The following SLC25A26 variants were observed in gnomAD, a reference collection of about 807,000 sequenced individuals.
SLC25A26 encodes mitochondrial S-adenosylmethionine carrier protein.
SLC25A26 carries 36 observed loss-of-function variants against 37.8 expected under a neutral mutation model. The ratio of observed to expected loss-of-function variants is 0.95; its 90% CI spans 0.73 to 1.26. The LOEUF (loss-of-function observed/expected upper bound fraction) is 1.26. Ranked by LOEUF, SLC25A26 falls within the 50% of genes most tolerant of loss-of-function variation. The probability of loss-of-function intolerance (pLI) is 0.00; values close to 1 mark genes in which losing one functional copy is unlikely to be tolerated. For synonymous variants in SLC25A26, 129 were observed against 122.5 expected, an observed-to-expected ratio of 1.05 and a Z score of -0.35; for missense variants, 390 against 331.1, an observed-to-expected ratio of 1.18 and a Z score of -1.38.
chr3:66,235,779 T>C (rs1222298919), intron 1 of SLC25A26, among the ~76,000 whole-genome samples: 1 of 152,238 alleles, frequency 6.6e-6, no homozygotes, highest in Non-Finnish European at 1.5e-5. Context: ...TACATGCTTA[T>C]ATATGTTTAA....
intron 1 of SLC25A26, among the ~76,000 whole-genome samples, chr3:66,210,805 C>T (rs990364558): frequency 1.7e-5 from 2 of 119,132 alleles, no homozygotes; most frequent in Admixed American, 9.1e-5. Context: ...CAAGCTACTG[C>T]GCCCGGCCTC....
intron 5 of SLC25A26, among the ~76,000 whole-genome samples, chr3:66,319,962 G>C (rs1478836956): frequency 6.6e-6 from 1 of 151,820 alleles, no homozygotes; most frequent in African/African-American, 2.4e-5. Flanking sequence ...GGTCAGGCTG[G>C]TCTCAAACTC....
chr3:66,372,996 C>T (rs1700434328), intron 9 of SLC25A26, among the ~76,000 whole-genome samples: 1 of 152,200 alleles, frequency 6.6e-6, no homozygotes, highest in Non-Finnish European at 1.5e-5. Flanking sequence ...GTGTGGTCCA[C>T]GCAGGTGAAG....
chr3:66,150,471 C>T (rs2070182289), intron 1 of SLC25A26, among the ~76,000 whole-genome samples: 1 of 140,120 alleles, frequency 7.1e-6, no homozygotes, highest in African/African-American at 2.7e-5. Context: ...GCACTCTAGC[C>T]TGGGCAACAG....
intron 5 of SLC25A26, among the ~76,000 whole-genome samples, chr3:66,298,806 C>G (rs1387599064): frequency 6.6e-6 from 1 of 152,154 alleles, no homozygotes; most frequent in African/African-American, 2.4e-5. Flanking sequence ...TACAGGATGA[C>G]GTTGCTATTT....
intron 5 of SLC25A26, among the ~76,000 whole-genome samples, chr3:66,316,762 G>A (rs1453906074): frequency 1.3e-5 from 2 of 152,084 alleles, no homozygotes; most frequent in Non-Finnish European, 2.9e-5. Context: ...CCCATCAGCT[G>A]TAGGTTTGGT....
chr3:66,259,315 C>T (rs1266630148), intron 3 of SLC25A26, among the ~76,000 whole-genome samples: 1 of 152,138 alleles, frequency 6.6e-6, no homozygotes, highest in Non-Finnish European at 1.5e-5. Context: ...TAGCGATCAC[C>T]TGTATGCTGA....
At chr3:66,247,062 C>T (rs2072879862) in intron 3 of SLC25A26, among the ~76,000 whole-genome samples, 1 of 151,806 alleles carries the variant, frequency 6.6e-6, no homozygotes, top group South Asian at 2.1e-4. Flanking sequence ...GACGGGGTTT[C>T]ACCATGTTAG....
intron 7 of SLC25A26, among the ~76,000 whole-genome samples, chr3:66,366,832 C>T (rs545228372): frequency 2.6e-5 from 4 of 152,296 alleles, no homozygotes; most frequent in African/African-American, 9.6e-5. Context: ...TTGGAGTCAT[C>T]ATACATGTGA....
chr3:66,211,609 G>A (rs1453103655), intron 1 of SLC25A26, among the ~76,000 whole-genome samples: 2 of 152,030 alleles, frequency 1.3e-5, no homozygotes, highest in African/African-American at 4.8e-5. Flanking sequence ...TTGATTATTG[G>A]TTGATTAAGG....
At chr3:66,318,310 T>A (rs1217968047) in intron 5 of SLC25A26, among the ~76,000 whole-genome samples, 1 of 152,178 alleles carries the variant, frequency 6.6e-6, no homozygotes, top group Non-Finnish European at 1.5e-5. Flanking sequence ...ATGCATGGGC[T>A]CATGAGGGGG....
At chr3:66,294,908 T>G (rs967182031) in intron 5 of SLC25A26, among the ~76,000 whole-genome samples, 1 of 152,196 alleles carries the variant, frequency 6.6e-6, no homozygotes, top group Non-Finnish European at 1.5e-5. Flanking sequence ...GGATTACATT[T>G]AAAAGATCTC....
intron 5 of SLC25A26, among the ~76,000 whole-genome samples, chr3:66,317,859 G>A (rs1443698835): frequency 1.3e-5 from 2 of 152,188 alleles, no homozygotes; most frequent in Non-Finnish European, 2.9e-5. Flanking sequence ...GGAGTGGATC[G>A]GGGTCCTGCT....
At chr3:66,228,468 A>G (rs2071861363) in intron 1 of SLC25A26, among the ~76,000 whole-genome samples, 1 of 152,246 alleles carries the variant, frequency 6.6e-6, no homozygotes, top group East Asian at 1.9e-4. Context: ...AACATTAATT[A>G]AATTCCAAAT....
At chr3:66,319,856 C>T (rs566602324) in intron 5 of SLC25A26, among the ~76,000 whole-genome samples, 29 of 137,708 alleles carry the variant, frequency 2.1e-4, no homozygotes, top group Admixed American at 5.7e-4. Flanking sequence ...CAGGTTCAAA[C>T]GATTCTCCTG....
At chr3:66,253,811 T>C (rs536352951) in intron 3 of SLC25A26, among the ~76,000 whole-genome samples, 1 of 152,310 alleles carries the variant, frequency 6.6e-6, no homozygotes, top group South Asian at 2.1e-4. Flanking sequence ...TTGGTGGGAA[T>C]CTATAAATCC....
At chr3:66,284,513 C>T (rs1234871112) in intron 5 of SLC25A26, among the ~76,000 whole-genome samples, 1 of 152,034 alleles carries the variant, frequency 6.6e-6, no homozygotes, top group Non-Finnish European at 1.5e-5. Context: ...CACCAAGAGA[C>T]ACATGCAACA....
chr3:66,209,894 CTA>C lies in SLC25A26; in HGVS notation c.-353-10846_-353-10845del, dbSNP rs1411989772. Among the ~76,000 whole-genome samples, 46 of 13,178 alleles carry C rather than the reference CTA, an allele frequency of 3.5e-3. 1 individual carries two copies. The highest frequency in any genetic ancestry group is 8.7e-3 in the African/African-American group (44 of 5,034). The allele number at this position is 13,178 out of a possible 152,430, so 8.6% of individuals were successfully genotyped here. Reference sequence around the variant, plus strand: ...TATATATACTCCTCTCTCTCTCTCTCTATTTATATATATATATATATATATAT... The same window carrying C: ...TATATATACTCCTCTCTCTCTCTCTCTTTATATATATATATATATATATAT... On this transcript the variant is annotated intron_variant, in intron 1 of 10. Coordinates refer to the SLC25A26 transcript ENST00000676754.
intron 5 of SLC25A26, among the ~76,000 whole-genome samples, chr3:66,284,713 G>A (rs114616768): frequency 0.036 from 5,420 of 152,260 alleles, 335 homozygotes; most frequent in African/African-American, 0.12. Context: ...AAGTCATATA[G>A]GGTAAGTGCT....
Sources: gnomAD v4.1 joint callset for allele counts (sites outside exome capture counted in the v4.1 genomes callset) on GRCh38, gnomAD v4.1.1 for gene constraint, MANE v1.5 for transcripts, NCBI Gene and HGNC (gene_info 2026-07-23, HGNC 2026-07-21) for gene names.